The following FBXO25 variants were observed in gnomAD, a reference collection of about 807,000 sequenced individuals.
FBXO25 encodes the protein F-box only protein 25.
FBXO25 carries 45 observed loss-of-function variants against 51.9 expected under a neutral mutation model. The ratio of observed to expected loss-of-function variants is 0.87; its 90% CI spans 0.68 to 1.11. The LOEUF is 1.11. Ranked by LOEUF, FBXO25 falls within the 50% of genes most tolerant of loss-of-function variation. FBXO25 has a pLI of 0.00. For missense variants in FBXO25, 507 were observed against 428.5 expected (o/e 1.18, Z -1.62); for synonymous variants, 199 against 151.0 (o/e 1.32, Z -2.33).
chr8:465,681 G>T (rs1338063276), intron 9 of FBXO25, among the ~76,000 whole-genome samples: 5 of 152,062 alleles, frequency 3.3e-5, no homozygotes, highest in African/African-American at 9.7e-5. Context: ...TCATACAATG[G>T]TTTAGTAATT....
At chr8:426,626 T>C (rs1187235500) in intron 2 of FBXO25, among the ~76,000 whole-genome samples, 5 of 151,856 alleles carry the variant, frequency 3.3e-5, no homozygotes, top group Non-Finnish European at 7.4e-5. Context: ...GTGCACAGAG[T>C]GTCTGATGCC....
intron 1 of FBXO25, among the ~76,000 whole-genome samples, chr8:409,374 T>C (rs1227256888): frequency 6.6e-6 from 1 of 152,256 alleles, no homozygotes; most frequent in Non-Finnish European, 1.5e-5. Context: ...ACTATTTTTT[T>C]ATTTCCATGG....
chr8:429,649 C>G (rs1436344975), intron 2 of FBXO25, among the ~76,000 whole-genome samples: 1 of 152,184 alleles, frequency 6.6e-6, no homozygotes, highest in Non-Finnish European at 1.5e-5. Flanking sequence ...GTAAAACCCA[C>G]AACCAAAAAG....
rs1128052 is a variant in FBXO25, at chr8:476,646, G to A, written c.*7842G>A. The A allele has an allele frequency of 0.17, 26,407 of 152,032 alleles. 2,934 individuals are homozygous for A. The highest frequency in any genetic ancestry group is 0.3 in the African/African-American group (12,462 of 41,460). 9.4% of individuals were successfully genotyped at this position (152,032 alleles called of 1,614,324 possible). Reference sequence around the variant, plus strand: ...TTATCCAATTCTTTGATATGTAATTGCTCATAGTACTCTTAATCCTTTTTA... The same window carrying A: ...TTATCCAATTCTTTGATATGTAATTACTCATAGTACTCTTAATCCTTTTTA... On this transcript the variant is annotated 3_prime_UTR_variant, in exon 10 of 10. Transcript: ENST00000350302.
intron 2 of FBXO25, among the ~76,000 whole-genome samples, chr8:430,912 G>A (rs1453055537): frequency 1.3e-5 from 2 of 152,132 alleles, no homozygotes; most frequent in Non-Finnish European, 2.9e-5. Context: ...TTAACTTCAG[G>A]TAAACCCTTA....
Position 471,344 on chromosome 8 carries a change from C to A in FBXO25, c.*2540C>A, listed in dbSNP as rs1800477013. On this transcript the variant is annotated 3_prime_UTR_variant, in exon 10 of 10. Coordinates refer to ENST00000350302, the MANE Select transcript of FBXO25 (RefSeq NM_183420.2). The stretch of plus-strand genomic sequence containing the variant: ...TTTTGAGGCACTGATCAGTTATTTA[C>A]AGAAGATCGGACAACACCAAACAGA... The A allele has an allele frequency of 6.6e-6, 1 of 152,158 alleles. No individual in the cohort carries two copies. Among genetic ancestry groups the A allele is most frequent in the African/African-American group, 2.4e-5 (1 of 41,422 alleles). The allele number at this position is 152,158 out of a possible 1,614,324, so 9.4% of individuals were successfully genotyped here. A position where few individuals can be genotyped will look rare whatever the true frequency, so the allele number is the denominator to read the frequency against.
chr8:408,931 G>GT (rs796628250), intron 1 of FBXO25, among the ~76,000 whole-genome samples: 4 of 152,100 alleles, frequency 2.6e-5, no homozygotes, highest in Admixed American at 2.0e-4. Context: ...GTAATTTCTA[G>GT]TTTTTTTGTG....
Position 476,070 on chromosome 8 carries a change from T to C in FBXO25, c.*7266T>C, listed in dbSNP as rs1800632263. The C allele has an allele frequency of 6.6e-6, 1 of 152,316 alleles. No homozygotes were observed. The highest frequency in any genetic ancestry group is 6.5e-5 in the Admixed American group (1 of 15,304). 9.4% of individuals were successfully genotyped at this position (152,316 alleles called of 1,614,324 possible). On this transcript the variant is annotated 3_prime_UTR_variant, in exon 10 of 10. Transcript: ENST00000350302. Reference sequence around the variant, plus strand: ...CTTCTATTCCCAATTGTTGAGTTTTTATCATGAAAGGGCATGACATTGTCT... The same window carrying C: ...CTTCTATTCCCAATTGTTGAGTTTTCATCATGAAAGGGCATGACATTGTCT...
At chr8:433,365 C>T (rs941174240) in intron 4 of FBXO25, among the ~76,000 whole-genome samples, 13 of 152,248 alleles carry the variant, frequency 8.5e-5, no homozygotes, top group African/African-American at 2.6e-4. Flanking sequence ...GCATGGACTC[C>T]TGCAGTCATA....
At chr8:465,200 C>CT (rs1563100595) in intron 9 of FBXO25, among the ~76,000 whole-genome samples, 1 of 152,084 alleles carries the variant, frequency 6.6e-6, no homozygotes, top group East Asian at 1.9e-4. Flanking sequence ...CAGGGCCCCC[C>CT]TTCTGTGTAA....
intron 4 of FBXO25, among the ~76,000 whole-genome samples, chr8:433,735 G>A (rs191197329): frequency 1.6e-4 from 25 of 152,148 alleles, no homozygotes; most frequent in Admixed American, 1.4e-3. Flanking sequence ...ACTGTCTATC[G>A]TATGTTATTT....
Position 458,542 on chromosome 8 carries a change from T to C in FBXO25, c.834T>C (p.Ala278=), listed in dbSNP as rs1663517960. Reference sequence around the variant, plus strand: ...AGAAGCTTTGTCAGTACCATTTTGCTGAAAAGCAGGTGAGTGGGATGCAGC... The same window carrying C: ...AGAAGCTTTGTCAGTACCATTTTGCCGAAAAGCAGGTGAGTGGGATGCAGC... ...LWKKLCQYHF[A]EKQFCRHLIL... The change falls in exon 8 of 10, where the codon GCT becomes GCC. Residue 278 remains alanine (A), a synonymous_variant. Coordinates refer to ENST00000350302, the MANE Select transcript of FBXO25 (RefSeq NM_183420.2). The C allele has an allele frequency of 6.2e-7, 1 of 1,613,908 alleles. No individual in the cohort carries two copies. Among genetic ancestry groups the C allele is most frequent in the Admixed American group, 1.7e-5 (1 of 60,004 alleles).
Position 472,001 on chromosome 8 carries a change from A to C in FBXO25, c.*3197A>C, listed in dbSNP as rs911319046. The C allele has an allele frequency of 6.6e-6, 1 of 152,238 alleles. No homozygotes were observed. Among genetic ancestry groups the C allele is most frequent in the Non-Finnish European group, 1.5e-5 (1 of 68,044 alleles). The allele number at this position is 152,238 out of a possible 1,614,324, so 9.4% of individuals were successfully genotyped here. A position where few individuals can be genotyped will look rare whatever the true frequency, so the allele number is the denominator to read the frequency against. ...TTGTAGATTCCTGATGCTGTGTACA[A>C]AATCATGTCATCTATGAATAGACAG... On this transcript the variant is annotated 3_prime_UTR_variant, in exon 10 of 10. Coordinates refer to ENST00000350302, the MANE Select transcript of FBXO25 (RefSeq NM_183420.2).
chr8:407,781 G>C (rs1244426102), intron 1 of FBXO25, among the ~76,000 whole-genome samples: 3 of 151,940 alleles, frequency 2.0e-5, no homozygotes, highest in African/African-American at 7.3e-5. Context: ...CTCTGTCTCT[G>C]TCTCCTCCCT....
chr8:458,476 C>G lies in FBXO25; in HGVS notation c.768C>G (p.Thr256=), dbSNP rs780565614. 2.8e-5 allele frequency: 46 copies of G among 1,614,144 alleles called. No individual in the cohort carries two copies. The highest frequency in any genetic ancestry group is 1.6e-4 in the Middle Eastern group (1 of 6,062). The part of the protein sequence containing the change: ...GWDIITLGQV[T]PTLYMLSEDR... The stretch of plus-strand genomic sequence containing the variant: ...ACATCATCACCTTAGGCCAGGTGAC[C>G]CCCACGTTGTATATGCTTAGTGAAG... The change falls in exon 8 of 10, where the codon ACC becomes ACG. Residue 256 remains threonine, a synonymous_variant. Coordinates refer to ENST00000350302, the MANE Select transcript of FBXO25 (RefSeq NM_183420.2).
In FBXO25 at chr8:461,692, C is replaced by T. The variant is rs916660291; in HGVS notation, c.844-1315C>T. The stretch of plus-strand genomic sequence containing the variant: ...AGCTGCCATTCCTAGCCCCAAGCAA[C>T]CCCTAATCGACTTTCTGTCTCTGTG... On this transcript the variant is annotated intron_variant, in intron 8 of 9. Transcript: ENST00000350302. Among the ~76,000 whole-genome samples, 44 of 152,148 alleles carry T rather than the reference C, an allele frequency of 2.9e-4. 1 individual carries two copies. The highest frequency in any genetic ancestry group is 1.5e-5 in the Non-Finnish European group (1 of 68,020).
chr8:457,431 G>A (rs941075010), intron 7 of FBXO25, among the ~76,000 whole-genome samples: 8 of 152,168 alleles, frequency 5.3e-5, no homozygotes, highest in Non-Finnish European at 7.3e-5. Flanking sequence ...AGCCTGGCAC[G>A]TGCACACACA....
chr8:413,896 G>A (rs914797630), intron 2 of FBXO25, among the ~76,000 whole-genome samples: 5 of 152,222 alleles, frequency 3.3e-5, no homozygotes, highest in African/African-American at 1.2e-4. Context: ...CATGAGCACA[G>A]TACCAGGGTA....
chr8:413,913 T>C (rs193143081), intron 2 of FBXO25, among the ~76,000 whole-genome samples: 3 of 152,330 alleles, frequency 2.0e-5, no homozygotes, highest in African/African-American at 7.2e-5. Flanking sequence ...GGTAGGTGGC[T>C]ATTGTATGAT....
Sources: gnomAD v4.1 joint callset for allele counts (sites outside exome capture counted in the v4.1 genomes callset) on GRCh38, gnomAD v4.1.1 for gene constraint, MANE v1.5 for transcripts, NCBI Gene and HGNC (gene_info 2026-07-23, HGNC 2026-07-21) for gene names.